Variants in AGAP1 observed in about 807,000 individuals in gnomAD.
AGAP1 encodes arf-GAP with GTPase, ANK repeat and PH domain-containing protein 1.
A neutral mutation model predicts 105.3 loss-of-function variants in AGAP1; 29 were observed. That is an observed-to-expected ratio of 0.28 (90% CI 0.21 to 0.38). The LOEUF is 0.38. Among genes scored for constraint, AGAP1 ranks in the 10% least tolerant of loss-of-function variants. The pLI, the probability that AGAP1 is intolerant of heterozygous loss-of-function variation, is 1.00. For missense variants in AGAP1, 998 were observed against 1,165.1 expected (o/e 0.86, Z 2.09); for synonymous variants, 509 against 485.9 (o/e 1.05, Z -0.63).
chr2:236,089,544 G>A lies in AGAP1; in HGVS notation c.2115-30648G>A, dbSNP rs1472455622. ...GTTGATGAGACCCAAAGTCTGGAAC[G>A]AATCTGGTTCCATATAGAGTTCATG... On this transcript the variant is annotated intron_variant, in intron 16 of 17. Coordinates refer to ENST00000304032, the MANE Select transcript of AGAP1 (RefSeq NM_001037131.3). This position sits in a 1 kb window ranked among gnomAD's most constrained non-coding sequence, Gnocchi z 5.6. 3.3e-5 allele frequency among the ~76,000 whole-genome samples: 5 copies of A among 152,234 alleles called. No homozygotes were observed. The highest frequency in any genetic ancestry group is 7.2e-5 in the African/African-American group (3 of 41,466).
In AGAP1 at chr2:236,002,485, A is replaced by G. The variant is rs2056164414; in HGVS notation, c.1645+33862A>G. 2.0e-5 allele frequency among the ~76,000 whole-genome samples: 3 copies of G among 152,208 alleles called. No homozygotes were observed. In the South Asian group the frequency reaches 6.2e-4, roughly 32 times the overall value. ...TAAGCGAATCCTGATTTTCTGACAA[A>G]AGAGACATGAAACAAATATGTTAAC... is the stretch of plus-strand genomic sequence containing the variant. On this transcript the variant is annotated intron_variant, in intron 13 of 17. Transcript: ENST00000304032. This position sits in a 1 kb window ranked among gnomAD's most constrained non-coding sequence, Gnocchi z 4.3.
chr2:235,961,347 C>T lies in AGAP1; in HGVS notation c.1484-7115C>T, dbSNP rs182879564. On this transcript the variant is annotated intron_variant, in intron 12 of 17. Coordinates refer to ENST00000304032, the MANE Select transcript of AGAP1 (RefSeq NM_001037131.3). The surrounding 1 kb of genome is among the most constrained non-coding windows in gnomAD (Gnocchi z 5.9). ...AGCAGAACCCCTCCACACGGCTCCCCGTCTAAGGCGGCAGGGATGAGCTGT... is the reference window on the plus strand; with the variant it reads ...AGCAGAACCCCTCCACACGGCTCCCTGTCTAAGGCGGCAGGGATGAGCTGT... Among the ~76,000 whole-genome samples, 59 of 152,296 alleles carry T rather than the reference C, an allele frequency of 3.9e-4. No homozygotes were observed. The highest frequency in any genetic ancestry group is 9.1e-4 in the Admixed American group (14 of 15,306).
chr2:235,734,741 A>C lies in AGAP1; in HGVS notation c.311-6222A>C, dbSNP rs1033351087. ...TGCCTGTTTGATGTTGGCCCTGTGG[A>C]TGCTGCAAAACGCAGCAAACACGGA... On this transcript the variant is annotated intron_variant, in intron 3 of 17. Transcript: ENST00000304032. The surrounding 1 kb of genome is among the most constrained non-coding windows in gnomAD (Gnocchi z 5.3). Among the ~76,000 whole-genome samples the C allele has an allele frequency of 6.6e-6, 1 of 152,216 alleles. No homozygotes were observed. Among genetic ancestry groups the C allele is most frequent in the Non-Finnish European group, 1.5e-5 (1 of 68,040 alleles).
rs774087206 is a variant in AGAP1 at position 236,023,301 on chromosome 2, G to A, written c.1646-13260G>A. On this transcript the variant is annotated intron_variant, in intron 13 of 17. Transcript: ENST00000304032. ...CCCTTTGTCATCCCGGGTCCAGCCT[G>A]GCACCTCCCTTGCAGATAAAGCTGA... 1.1e-4 allele frequency among the ~76,000 whole-genome samples: 17 copies of A among 152,136 alleles called. 1 individual carries two copies. The highest frequency in any genetic ancestry group is 4.4e-5 in the Non-Finnish European group (3 of 68,028).
At chr2:235,713,737 TATC>T (rs1229901782) in intron 2 of AGAP1, among the ~76,000 whole-genome samples, 1 of 152,178 alleles carries the variant, frequency 6.6e-6, no homozygotes, top group Non-Finnish European at 1.5e-5. Context: ...TGTAACAAAA[TATC>T]ATACACTGAG....
In AGAP1 at chr2:235,904,123, AACTC is replaced by A. The variant is rs1305132882; in HGVS notation, c.1156-4613_1156-4610del. ...ATGTTTGTTGAGGCTAATTGAATGA[AACTC>A]AATCATAGCTCTTAATTGCTTGACT... is the stretch of plus-strand genomic sequence containing the variant. On this transcript the variant is annotated intron_variant, in intron 10 of 17. Coordinates refer to ENST00000304032, the MANE Select transcript of AGAP1 (RefSeq NM_001037131.3). This position sits in a 1 kb window ranked among gnomAD's most constrained non-coding sequence, Gnocchi z 4.2. Among the ~76,000 whole-genome samples, 1 of 152,244 alleles carries A rather than the reference AACTC, an allele frequency of 6.6e-6. No homozygotes were observed. The highest frequency in any genetic ancestry group is 1.5e-5 in the Non-Finnish European group (1 of 68,038).
In AGAP1 at chr2:236,090,558, G is replaced by A. The variant is rs1306429080; in HGVS notation, c.2115-29634G>A. ...GCCAAGCGAGTGAGAGGCGGGGGTC[G>A]GAGGGAGGCCTTCCTCCTGCAGCGT... On this transcript the variant is annotated intron_variant, in intron 16 of 17. Coordinates refer to ENST00000304032, the MANE Select transcript of AGAP1 (RefSeq NM_001037131.3). This position sits in a 1 kb window ranked among gnomAD's most constrained non-coding sequence, Gnocchi z 4.3. Among the ~76,000 whole-genome samples, 3 of 152,124 alleles carry A rather than the reference G, an allele frequency of 2.0e-5. No individual in the cohort carries two copies. Among genetic ancestry groups the A allele is most frequent in the Admixed American group, 6.5e-5 (1 of 15,272 alleles).
In AGAP1 at chr2:235,596,153, A is replaced by C. The variant is rs1945518875; in HGVS notation, c.163+101304A>C. On this transcript the variant is annotated intron_variant, in intron 1 of 17. Transcript: ENST00000304032. The surrounding 1 kb of genome is among the most constrained non-coding windows in gnomAD (Gnocchi z 5.9). ...ACAGCCTTCAGTCTAACTTCATGTC[A>C]AGTCTAAGTGGCACAGCTATCCATG... Among the ~76,000 whole-genome samples the C allele has an allele frequency of 6.6e-6, 1 of 152,206 alleles. No individual in the cohort carries two copies. Among genetic ancestry groups the C allele is most frequent in the Non-Finnish European group, 1.5e-5 (1 of 68,046 alleles).
chr2:236,058,399 A>G lies in AGAP1; in HGVS notation c.2114+9118A>G, dbSNP rs925087521. Among the ~76,000 whole-genome samples, 4 of 152,230 alleles carry G rather than the reference A, an allele frequency of 2.6e-5. No homozygotes were observed. The highest frequency in any genetic ancestry group is 4.4e-5 in the Non-Finnish European group (3 of 68,040). ...CTGTGATCAGGTGGCACTGAATGCA[A>G]GGAAGGCAAGGTTGGTTCGACACGC... On this transcript the variant is annotated intron_variant, in intron 16 of 17. Coordinates refer to ENST00000304032, the MANE Select transcript of AGAP1 (RefSeq NM_001037131.3). This position sits in a 1 kb window ranked among gnomAD's most constrained non-coding sequence, Gnocchi z 4.6.
intron 13 of AGAP1, among the ~76,000 whole-genome samples, chr2:236,026,302 T>G (rs1191007708): frequency 6.6e-6 from 1 of 152,148 alleles, no homozygotes; most frequent in East Asian, 1.9e-4. Flanking sequence ...CCATCCCTGC[T>G]CCCTGTGCTG....
intron 6 of AGAP1, among the ~76,000 whole-genome samples, chr2:235,755,800 T>C (rs1172288201): frequency 6.6e-6 from 1 of 152,186 alleles, no homozygotes; most frequent in Non-Finnish European, 1.5e-5. Flanking sequence ...GCTTTCTGAG[T>C]GGCAGCAAGC....
At position 235,706,293 on chromosome 2, in the gene AGAP1, C is replaced by T. The variant is rs1361609771; in HGVS notation, c.164-2886C>T. 3.9e-5 allele frequency among the ~76,000 whole-genome samples: 6 copies of T among 152,162 alleles called. No individual in the cohort carries two copies. In the East Asian group the frequency reaches 7.7e-4, roughly 20 times the overall value. On this transcript the variant is annotated intron_variant, in intron 1 of 17. Transcript: ENST00000304032. ...AGGCTGGAGTGCAGTGGCACAGTCT[C>T]GGCTCACTGCAACCTCCGCCTCCTG... is the stretch of plus-strand genomic sequence containing the variant.
intron 3 of AGAP1, among the ~76,000 whole-genome samples, chr2:235,731,482 C>T (rs894376463): frequency 1.8e-4 from 28 of 152,254 alleles, no homozygotes; most frequent in Middle Eastern, 3.4e-3. Flanking sequence ...CTGGATCTTC[C>T]AGAAAGCATG....
At chr2:235,918,460 A>C (rs1160756580) in intron 11 of AGAP1, among the ~76,000 whole-genome samples, 1 of 152,338 alleles carries the variant, frequency 6.6e-6, no homozygotes, top group East Asian at 1.9e-4. Context: ...AGGACACTAA[A>C]GTTCATCTTA....
intron 1 of AGAP1, among the ~76,000 whole-genome samples, chr2:235,672,856 G>A (rs1047687380): frequency 1.3e-5 from 2 of 152,200 alleles, no homozygotes; most frequent in African/African-American, 4.8e-5. Context: ...ATTGATAGTA[G>A]ATTTGGAGTA....
At chr2:235,997,309 G>A (rs1332893967) in intron 13 of AGAP1, among the ~76,000 whole-genome samples, 2 of 152,114 alleles carry the variant, frequency 1.3e-5, no homozygotes, top group African/African-American at 2.4e-5. Context: ...GGCTGGTCTC[G>A]AACTCCTGAC....
chr2:235,831,775 G>C (rs908550059), intron 9 of AGAP1, among the ~76,000 whole-genome samples: 2 of 152,146 alleles, frequency 1.3e-5, no homozygotes, highest in African/African-American at 2.4e-5. Flanking sequence ...ATACACATTT[G>C]GGTGCAGGTT....
At chr2:235,844,953 C>T (rs186817969) in intron 9 of AGAP1, among the ~76,000 whole-genome samples, 2 of 152,216 alleles carry the variant, frequency 1.3e-5, no homozygotes, top group East Asian at 1.9e-4. Context: ...TTACCTTTGC[C>T]GCCTCCCCCA....
chr2:236,098,926 C>G (rs2059265448), intron 16 of AGAP1, among the ~76,000 whole-genome samples: 1 of 151,874 alleles, frequency 6.6e-6, no homozygotes, highest in Non-Finnish European at 1.5e-5. Context: ...GCCCTAAAAG[C>G]CCTTTCTAAA....
Sources: gnomAD v4.1 joint callset for allele counts (sites outside exome capture counted in the v4.1 genomes callset) on GRCh38, gnomAD v4.1.1 for gene constraint, Gnocchi (gnomAD v3.1) non-coding constraint, MANE v1.5 for transcripts, NCBI Gene and HGNC (gene_info 2026-07-23, HGNC 2026-07-21) for gene names.